The following TAS2R1 variants were observed in gnomAD, a reference collection of about 807,000 sequenced individuals.
TAS2R1 encodes taste receptor type 2 member 1.
For missense variants in TAS2R1, 370 were observed against 353.4 expected (o/e 1.05, Z -0.38); for synonymous variants, 141 against 134.2 (o/e 1.05, Z -0.35).
chr5:9,690,095 C>T (rs2126516948), intron 1 of TAS2R1, among the ~76,000 whole-genome samples: 1 of 152,234 alleles, frequency 6.6e-6, no homozygotes, highest in Admixed American at 6.5e-5. Context: ...ATTTTTAAAA[C>T]CTAAAAACGT....
At chr5:9,713,576 T>A (rs985966976), upstream of TAS2R1, among the ~76,000 whole-genome samples, 5 of 152,194 alleles carry the variant, frequency 3.3e-5, no homozygotes, top group African/African-American at 1.2e-4. Context: ...ATAAGAGACA[T>A]ACTTCACATG....
intron 1 of TAS2R1, among the ~76,000 whole-genome samples, chr5:9,711,535 G>A (rs1015390517): frequency 2.0e-5 from 3 of 152,158 alleles, no homozygotes; most frequent in South Asian, 2.1e-4. Flanking sequence ...GGAGGTGTTC[G>A]ATAGGTCTAG....
chr5:9,813,616 A>G, the TAS2R1 span, among the ~76,000 whole-genome samples: 2 of 152,184 alleles, frequency 1.3e-5, no homozygotes, highest in South Asian at 4.1e-4. Context: ...CTAAGCCACA[A>G]TATTTTGGGT....
the TAS2R1 span, among the ~76,000 whole-genome samples, chr5:9,872,299 C>G: frequency 6.6e-6 from 1 of 152,146 alleles, no homozygotes; most frequent in Non-Finnish European, 1.5e-5. Context: ...ATTTTCTAGA[C>G]TGTTATGATT....
the TAS2R1 span, among the ~76,000 whole-genome samples, chr5:9,831,621 G>GTTT: frequency 0.02 from 2,891 of 147,858 alleles, 96 homozygotes; most frequent in African/African-American, 0.066. Flanking sequence ...GCATGTTTCT[G>GTTT]TTTTTTTTTC....
At chr5:9,848,066 C>T in the TAS2R1 span, among the ~76,000 whole-genome samples, 1 of 152,216 alleles carries the variant, frequency 6.6e-6, no homozygotes, top group Non-Finnish European at 1.5e-5. Context: ...GCTTGAGAAA[C>T]ATGGCACTAC....
the TAS2R1 span, among the ~76,000 whole-genome samples, chr5:9,815,105 A>G: frequency 6.6e-6 from 1 of 152,210 alleles, no homozygotes; most frequent in African/African-American, 2.4e-5. Flanking sequence ...AGCTCCCTAA[A>G]AGCCTTCCAA....
the TAS2R1 span, among the ~76,000 whole-genome samples, chr5:9,900,098 C>T: frequency 1.3e-5 from 2 of 152,176 alleles, no homozygotes; most frequent in Non-Finnish European, 2.9e-5. Context: ...AGGCAGAATT[C>T]AGAGAGGCAG....
At chr5:9,688,956 C>A (rs1051343950) in intron 1 of TAS2R1, among the ~76,000 whole-genome samples, 3 of 152,078 alleles carry the variant, frequency 2.0e-5, no homozygotes, top group Non-Finnish European at 4.4e-5. Context: ...CAGAGCCAGG[C>A]CCTGGGAAGA....
the TAS2R1 span, among the ~76,000 whole-genome samples, chr5:9,851,346 G>T: frequency 6.6e-6 from 1 of 152,090 alleles, no homozygotes; most frequent in African/African-American, 2.4e-5. Context: ...AGCCAACATG[G>T]CCTTTGGTGT....
the TAS2R1 span, among the ~76,000 whole-genome samples, chr5:9,760,646 TC>T: frequency 6.6e-6 from 1 of 152,134 alleles, no homozygotes; most frequent in Non-Finnish European, 1.5e-5. Flanking sequence ...TAACACCCAG[TC>T]ATGATGAAAA....
At chr5:9,706,857 C>G (rs1344336020) in intron 1 of TAS2R1, among the ~76,000 whole-genome samples, 1 of 152,198 alleles carries the variant, frequency 6.6e-6, no homozygotes, top group African/African-American at 2.4e-5. Context: ...TCAGCCTCCA[C>G]TCCCCCGACA....
In TAS2R1 at chr5:9,640,411, C is replaced by G. The variant is rs190542151; in HGVS notation, c.-80-10419G>C. 8.1e-4 allele frequency among the ~76,000 whole-genome samples: 115 copies of G among 142,394 alleles called. 1 individual carries two copies. The highest frequency in any genetic ancestry group is 3.0e-3 in the African/African-American group (113 of 38,022). The allele number at this position is 142,394 out of a possible 152,430, so 93.4% of individuals were successfully genotyped here. On this transcript the variant is annotated intron_variant, in intron 2 of 2. Coordinates refer to the TAS2R1 transcript ENST00000506620. ...TAGTGAACGAATTACCAAGGTATGACAGAGACATGAAGAGAGCACAAGCTG... is the reference window on the plus strand; with the variant it reads ...TAGTGAACGAATTACCAAGGTATGAGAGAGACATGAAGAGAGCACAAGCTG...
chr5:9,640,497 T>TAAAAAAAAAAAA (rs56140715), intron 2 of TAS2R1, among the ~76,000 whole-genome samples: 5 of 59,032 alleles, frequency 8.5e-5, no homozygotes, highest in African/African-American at 2.5e-4. Context: ...TTCAATTCCT[T>TAAAAAAAAAAAA]AAAAAAAAAA....
At chr5:9,659,325 C>T (rs1740481869) in intron 2 of TAS2R1, 1 of 152,088 alleles carries the variant, frequency 6.6e-6, no homozygotes, top group Non-Finnish European at 1.5e-5. Context: ...AAGATGCTTT[C>T]ACATCCCCAA....
chr5:9,863,005 A>G, the TAS2R1 span: 1 of 152,084 alleles, frequency 6.6e-6, no homozygotes, highest in Non-Finnish European at 1.5e-5. Context: ...CTCCAGCTCT[A>G]CCCCACCTCT....
At chr5:9,847,236 A>G in the TAS2R1 span, among the ~76,000 whole-genome samples, 1 of 152,252 alleles carries the variant, frequency 6.6e-6, no homozygotes, top group African/African-American at 2.4e-5. Context: ...GGTTTTGACC[A>G]TAAGAAAATG....
At chr5:9,710,008 G>A (rs913015035) in intron 1 of TAS2R1, among the ~76,000 whole-genome samples, 3 of 152,224 alleles carry the variant, frequency 2.0e-5, no homozygotes, top group Non-Finnish European at 2.9e-5. Flanking sequence ...GTGAGTTTTG[G>A]TCCACGGAGT....
the TAS2R1 span, among the ~76,000 whole-genome samples, chr5:9,800,257 T>C: frequency 6.6e-6 from 1 of 152,246 alleles, no homozygotes; most frequent in Non-Finnish European, 1.5e-5. Flanking sequence ...ATGTCAATAG[T>C]GTAGACATTG....
Sources: allele counts gnomAD v4.1 joint callset (sites outside exome capture counted in the v4.1 genomes callset), GRCh38; gene constraint gnomAD v4.1.1; transcripts MANE v1.5; gene names NCBI Gene and HGNC (gene_info 2026-07-23, HGNC 2026-07-21).